Variants in NPAS3 observed in about 807,000 individuals in gnomAD.
NPAS3 encodes the protein neuronal PAS domain-containing protein 3.
NPAS3 carries 14 observed loss-of-function variants against 73.1 expected under a neutral mutation model. The ratio of observed to expected loss-of-function variants is 0.19; its 90% CI spans 0.13 to 0.30. The LOEUF (loss-of-function observed/expected upper bound fraction) is 0.30. Among genes scored for constraint, NPAS3 ranks in the 10% least tolerant of loss-of-function variants. The pLI, the probability that NPAS3 is intolerant of heterozygous loss-of-function variation, is 1.00. For missense variants in NPAS3, 1,096 were observed against 1,250.0 expected, an observed-to-expected ratio of 0.88 and a Z score of 1.86; for synonymous variants, 620 against 541.5, an observed-to-expected ratio of 1.14 and a Z score of -2.01.
chr14:33,628,786 G>A (rs1029087083), intron 5 of NPAS3, among the ~76,000 whole-genome samples: 1 of 152,086 alleles, frequency 6.6e-6, no homozygotes, highest in Admixed American at 6.6e-5. Context: ...TGGGCTCCTG[G>A]GTATTGAGAG....
intron 1 of NPAS3, among the ~76,000 whole-genome samples, chr14:32,972,913 T>C (rs1027986888): frequency 3.3e-5 from 5 of 152,234 alleles, no homozygotes; most frequent in Non-Finnish European, 5.9e-5. Context: ...CAACCGCTAC[T>C]GTACCTGAAA....
At chr14:33,375,566 A>G (rs1176388632) in intron 4 of NPAS3, among the ~76,000 whole-genome samples, 2 of 152,318 alleles carry the variant, frequency 1.3e-5, no homozygotes, top group East Asian at 3.9e-4. Context: ...AAAAAGAGGA[A>G]CACACCTTAT....
chr14:33,205,759 A>G (rs924365756), intron 2 of NPAS3, among the ~76,000 whole-genome samples: 4 of 152,204 alleles, frequency 2.6e-5, no homozygotes, highest in African/African-American at 7.2e-5. Flanking sequence ...TCATATGACC[A>G]TAACTTAAAT....
intron 5 of NPAS3, among the ~76,000 whole-genome samples, chr14:33,625,243 G>T (rs529083989): frequency 1.3e-5 from 2 of 152,230 alleles, no homozygotes; most frequent in South Asian, 4.1e-4. Context: ...ATATAAATTG[G>T]CCTAAGCCAT....
Position 33,342,053 on chromosome 14 carries a change from C to A in NPAS3, c.386-25133C>A, listed in dbSNP as rs1053270007. On this transcript the variant is annotated intron_variant, in intron 3 of 11. Transcript: ENST00000356141. ...TCTCTTCCTTGGTCTAATCCCCAAC[C>A]TTTTTCTCACTTTCAGTGTCTTCCA... Among the ~76,000 whole-genome samples, 4 of 152,150 alleles carry A rather than the reference C, an allele frequency of 2.6e-5. No homozygotes were observed. The East Asian group carries it at 7.7e-4, about 29-fold the overall frequency.
At chr14:33,471,302 T>C (rs1002753678) in intron 4 of NPAS3, among the ~76,000 whole-genome samples, 1 of 152,210 alleles carries the variant, frequency 6.6e-6, no homozygotes, top group South Asian at 2.1e-4. Context: ...ACCTTACTCC[T>C]TATTCACCGC....
intron 2 of NPAS3, among the ~76,000 whole-genome samples, chr14:33,184,863 C>T (rs748567979): frequency 3.3e-5 from 5 of 152,162 alleles, no homozygotes; most frequent in Admixed American, 1.3e-4. Flanking sequence ...TGGTGCTTCA[C>T]GTTCCTGTGT....
At chr14:33,043,930 T>C (rs2040422076) in intron 1 of NPAS3, among the ~76,000 whole-genome samples, 1 of 152,224 alleles carries the variant, frequency 6.6e-6, no homozygotes, top group African/African-American at 2.4e-5. Context: ...TCATAGTAGT[T>C]ACATTGCCTC....
Position 32,995,036 on chromosome 14 carries a change from G to A in NPAS3, c.50+55670G>A, listed in dbSNP as rs527440176. Reference sequence around the variant, plus strand: ...TTCACTAAAGAAACAAGTGGCTCTCGGGAAATGTTATAAAGAAGACAGGAA... The same window carrying A: ...TTCACTAAAGAAACAAGTGGCTCTCAGGAAATGTTATAAAGAAGACAGGAA... On this transcript the variant is annotated intron_variant, in intron 1 of 11. Transcript: ENST00000356141. 3.5e-4 allele frequency among the ~76,000 whole-genome samples: 54 copies of A among 152,290 alleles called. No individual in the cohort carries two copies. The South Asian group carries it at 8.7e-3, about 25-fold the overall frequency.
chr14:33,429,673 C>A (rs764307023), intron 4 of NPAS3, among the ~76,000 whole-genome samples: 6 of 152,032 alleles, frequency 3.9e-5, no homozygotes, highest in Non-Finnish European at 5.9e-5. Flanking sequence ...CCCAGAAGCA[C>A]CATATTTATG....
intron 4 of NPAS3, among the ~76,000 whole-genome samples, chr14:33,392,034 A>T (rs1457655646): frequency 6.6e-6 from 1 of 152,194 alleles, no homozygotes; most frequent in East Asian, 1.9e-4. Flanking sequence ...TGACATTTTT[A>T]GTTTAAAGAA....
chr14:33,569,670 T>C (rs1233649413), intron 5 of NPAS3, among the ~76,000 whole-genome samples: 2 of 152,172 alleles, frequency 1.3e-5, no homozygotes, highest in African/African-American at 2.4e-5. Flanking sequence ...TTAAGGAACA[T>C]GCAGATAGAG....
chr14:33,110,324 C>G (rs999311848), intron 2 of NPAS3, among the ~76,000 whole-genome samples: 1 of 152,188 alleles, frequency 6.6e-6, no homozygotes, highest in Admixed American at 6.5e-5. Flanking sequence ...AAAGAGTGTT[C>G]TACTGAACTC....
At chr14:33,106,940 GGTTT>G (rs10587578) in intron 2 of NPAS3, among the ~76,000 whole-genome samples, 1,660 of 152,224 alleles carry the variant, frequency 0.011, 32 homozygotes, top group African/African-American at 0.038. Flanking sequence ...TGCATGTGTT[GGTTT>G]GTTTGTACTT....
intron 5 of NPAS3, among the ~76,000 whole-genome samples, chr14:33,637,516 A>G (rs1425941057): frequency 6.6e-6 from 1 of 152,198 alleles, no homozygotes; most frequent in Non-Finnish European, 1.5e-5. Flanking sequence ...AAAATAGATT[A>G]TACATCGTTC....
intron 2 of NPAS3, among the ~76,000 whole-genome samples, chr14:33,180,019 C>T (rs1003801762): frequency 1.3e-5 from 2 of 152,184 alleles, no homozygotes; most frequent in African/African-American, 4.8e-5. Flanking sequence ...AGATGTTTGC[C>T]CTCGGGTATA....
intron 5 of NPAS3, among the ~76,000 whole-genome samples, chr14:33,624,666 T>C (rs2058173266): frequency 6.6e-6 from 1 of 151,998 alleles, no homozygotes; most frequent in Admixed American, 6.6e-5. Flanking sequence ...TTTAAATGAG[T>C]TTTCACAAAT....
intron 1 of NPAS3, among the ~76,000 whole-genome samples, chr14:32,996,642 G>C (rs569762156): frequency 2.0e-5 from 3 of 152,294 alleles, no homozygotes; most frequent in Non-Finnish European, 4.4e-5. Flanking sequence ...CAAGCCTCAA[G>C]CCTTGGCAGC....
intron 1 of NPAS3, among the ~76,000 whole-genome samples, chr14:32,953,653 G>A (rs117670870): frequency 6.6e-6 from 1 of 152,200 alleles, no homozygotes; most frequent in Non-Finnish European, 1.5e-5. Context: ...TGAATGCCGG[G>A]TCGGAGATGA....
Sources: gnomAD v4.1 joint callset for allele counts (sites outside exome capture counted in the v4.1 genomes callset) on GRCh38, gnomAD v4.1.1 for gene constraint, MANE v1.5 for transcripts, NCBI Gene and HGNC (gene_info 2026-07-23, HGNC 2026-07-21) for gene names.